Variants in MTCL3 observed in about 807,000 individuals in gnomAD.
MTCL3 encodes the protein microtubule cross-linking factor 3.
chr6:127,476,108 C>T, the MTCL3 span: 2 of 1,614,124 alleles, frequency 1.2e-6, no homozygotes, highest in Non-Finnish European at 1.7e-6. This position sits in a 1 kb window ranked among gnomAD's most constrained non-coding sequence, Gnocchi z 4.4. Flanking sequence ...GACAGGGATT[C>T]GCTCTGCTCC....
chr6:127,482,521 CT>C, the MTCL3 span, among the ~76,000 whole-genome samples: 1 of 152,100 alleles, frequency 6.6e-6, no homozygotes, highest in Admixed American at 6.5e-5. This position sits in a 1 kb window ranked among gnomAD's most constrained non-coding sequence, Gnocchi z 4.1. Flanking sequence ...TATAATGAGC[CT>C]TTCTCTCCTT....
chr6:127,476,896 GT>G, the MTCL3 span, among the ~76,000 whole-genome samples: 27 of 152,212 alleles, frequency 1.8e-4, no homozygotes, highest in Non-Finnish European at 3.4e-4. This position sits in a 1 kb window ranked among gnomAD's most constrained non-coding sequence, Gnocchi z 4.4. Context: ...GCTGAAAAGT[GT>G]TTTACAAATA....
chr6:127,514,379 C>T, the MTCL3 span, among the ~76,000 whole-genome samples: 1 of 152,200 alleles, frequency 6.6e-6, no homozygotes, highest in Admixed American at 6.5e-5. Flanking sequence ...ACTCTAGTAT[C>T]TTCCCAGTGC....
the MTCL3 span, among the ~76,000 whole-genome samples, chr6:127,506,131 T>C: frequency 6.6e-6 from 1 of 152,228 alleles, no homozygotes; most frequent in East Asian, 1.9e-4. Flanking sequence ...GACTCCATTA[T>C]TCGTGTACTT....
At chr6:127,475,563 C>T in the MTCL3 span, 10 of 1,609,696 alleles carry the variant, frequency 6.2e-6, no homozygotes, top group Non-Finnish European at 8.5e-6. The surrounding 1 kb of genome is among the most constrained non-coding windows in gnomAD (Gnocchi z 7.3). Flanking sequence ...GGCGCTCGGC[C>T]TCCGAGCGGA....
At chr6:127,475,502 C>G in the MTCL3 span, 1 of 1,613,490 alleles carries the variant, frequency 6.2e-7, no homozygotes. The surrounding 1 kb of genome is among the most constrained non-coding windows in gnomAD (Gnocchi z 7.3). Flanking sequence ...ATGCGCGCCT[C>G]GGTGATGATG....
At chr6:127,515,868 G>A in the MTCL3 span, 1 of 1,611,850 alleles carries the variant, frequency 6.2e-7, no homozygotes, top group Non-Finnish European at 8.5e-7. The surrounding 1 kb of genome is among the most constrained non-coding windows in gnomAD (Gnocchi z 4.3). Context: ...CTTCTTTCCA[G>A]TAGCTCCCTC....
At chr6:127,483,515 T>A in the MTCL3 span, among the ~76,000 whole-genome samples, 2 of 152,110 alleles carry the variant, frequency 1.3e-5, no homozygotes, top group African/African-American at 2.4e-5. Context: ...TGTAGTGAAA[T>A]GGAGAAGGCA....
the MTCL3 span, chr6:127,475,224 G>GC: frequency 4.0e-6 from 6 of 1,488,440 alleles, no homozygotes; most frequent in Non-Finnish European, 2.7e-6. The surrounding 1 kb of genome is among the most constrained non-coding windows in gnomAD (Gnocchi z 7.3). Flanking sequence ...GCGCCGAGAC[G>GC]CCCCCCAGGG....
the MTCL3 span, among the ~76,000 whole-genome samples, chr6:127,491,748 C>T: frequency 6.6e-4 from 101 of 151,946 alleles, no homozygotes; most frequent in African/African-American, 2.2e-3. Flanking sequence ...TGGCATGCAG[C>T]TAGTCCTAGC....
At chr6:127,485,925 G>C in the MTCL3 span, among the ~76,000 whole-genome samples, 2 of 152,082 alleles carry the variant, frequency 1.3e-5, no homozygotes, top group African/African-American at 4.8e-5. Context: ...AATTTCAACA[G>C]AAATAAAACT....
At chr6:127,476,207 C>G in the MTCL3 span, 1 of 1,614,084 alleles carries the variant, frequency 6.2e-7, no homozygotes, top group Non-Finnish European at 8.5e-7. The surrounding 1 kb of genome is among the most constrained non-coding windows in gnomAD (Gnocchi z 4.4). Context: ...ACCTCCAGTT[C>G]GACGATTTTC....
At chr6:127,481,424 G>A in the MTCL3 span, 2 of 985,274 alleles carry the variant, frequency 2.0e-6, no homozygotes, top group Admixed American at 1.2e-4. Flanking sequence ...TTGGCTGTGA[G>A]ACTCTCTGGG....
chr6:127,475,180 G>T, the MTCL3 span: 520 of 1,165,712 alleles, frequency 4.5e-4, 1 homozygote, highest in African/African-American at 7.7e-3. This position sits in a 1 kb window ranked among gnomAD's most constrained non-coding sequence, Gnocchi z 7.3. Context: ...GGCCCTGAGC[G>T]GGGGCTTCCC....
chr6:127,512,998 C>T, the MTCL3 span: 4 of 1,611,698 alleles, frequency 2.5e-6, no homozygotes, highest in Non-Finnish European at 1.7e-6. Context: ...GTTCTCTTTT[C>T]TTCCACATTT....
the MTCL3 span, chr6:127,475,929 C>T: frequency 3.7e-6 from 6 of 1,613,100 alleles, no homozygotes; most frequent in Non-Finnish European, 5.1e-6. This position sits in a 1 kb window ranked among gnomAD's most constrained non-coding sequence, Gnocchi z 7.3. Flanking sequence ...CCTGCAGGGC[C>T]TCGGTCTTGG....
At chr6:127,504,744 T>G in the MTCL3 span, among the ~76,000 whole-genome samples, 1 of 152,214 alleles carries the variant, frequency 6.6e-6, no homozygotes, top group South Asian at 2.1e-4. Context: ...AAATTTTTTA[T>G]TATGCTCTTG....
the MTCL3 span, among the ~76,000 whole-genome samples, chr6:127,506,630 T>C: frequency 6.6e-6 from 1 of 152,268 alleles, no homozygotes; most frequent in South Asian, 2.1e-4. Context: ...TCCCTCAGGC[T>C]GGAGTGCAGT....
chr6:127,500,744 A>G, the MTCL3 span, among the ~76,000 whole-genome samples: 1 of 152,214 alleles, frequency 6.6e-6, no homozygotes, highest in East Asian at 1.9e-4. Flanking sequence ...TTTAGTAGTA[A>G]TAATTTTATC....
Sources: allele counts gnomAD v4.1 joint callset (sites outside exome capture counted in the v4.1 genomes callset), GRCh38; gene constraint gnomAD v4.1.1; non-coding constraint Gnocchi (gnomAD v3.1); transcripts MANE v1.5; gene names NCBI Gene and HGNC (gene_info 2026-07-23, HGNC 2026-07-21).